The following AKT3 variants were observed in gnomAD, a reference collection of about 807,000 sequenced individuals.
AKT3 encodes the protein RAC-gamma serine/threonine-protein kinase.
Under a neutral mutation model 65.3 loss-of-function variants are expected in AKT3, and 15 were observed. The ratio of observed to expected loss-of-function variants is 0.23; its 90% CI spans 0.15 to 0.35. The LOEUF (loss-of-function observed/expected upper bound fraction) is 0.35, where lower values mean the gene tolerates loss of function less well. AKT3 is among the 10% of genes least tolerant of loss of function. The probability of loss-of-function intolerance (pLI) is 1.00; values close to 1 mark genes in which losing one functional copy is unlikely to be tolerated. For synonymous variants in AKT3, 206 were observed against 183.8 expected, an observed-to-expected ratio of 1.12 and a Z score of -0.98; for missense variants, 243 against 576.5, an observed-to-expected ratio of 0.42 and a Z score of 5.92.
chr1:243,572,313 G>A (rs1674620948), intron 9 of AKT3, among the ~76,000 whole-genome samples: 1 of 152,100 alleles, frequency 6.6e-6, no homozygotes, highest in African/African-American at 2.4e-5. Flanking sequence ...ATGGAGTTGA[G>A]TAGTTTACAA....
At chr1:243,593,547 T>G (rs1676383181) in intron 8 of AKT3, among the ~76,000 whole-genome samples, 1 of 152,026 alleles carries the variant, frequency 6.6e-6, no homozygotes, top group Non-Finnish European at 1.5e-5. Flanking sequence ...ATTAGCTGGG[T>G]GCAGTGGTGG....
intron 2 of AKT3, among the ~76,000 whole-genome samples, chr1:243,784,428 CAA>C (rs199852273): frequency 3.2e-5 from 4 of 125,734 alleles, no homozygotes; most frequent in African/African-American, 3.0e-5. Flanking sequence ...CAGCCCTCTT[CAA>C]AAAAAAAAAG....
rs543526222 is a variant in AKT3 at position 243,641,360 on chromosome 1, C to A, written c.430-3618G>T. ...TTATTAATTCTGTCCCTCTAGAGAA[C>A]CCTAATACACATGGCAAGTAACTCA... On this transcript the variant is annotated intron_variant, in intron 5 of 13. Transcript: ENST00000673466. Among the ~76,000 whole-genome samples, 11 of 150,784 alleles carry A rather than the reference C, an allele frequency of 7.3e-5. No homozygotes were observed. The East Asian group carries it at 1.9e-3, about 27-fold the overall frequency.
intron 6 of AKT3, among the ~76,000 whole-genome samples, chr1:243,624,369 G>A (rs1259644512): frequency 6.6e-6 from 1 of 152,110 alleles, no homozygotes; most frequent in African/African-American, 2.4e-5. Flanking sequence ...CTGGTAACGT[G>A]TACTTTTTTC....
chr1:243,806,838 T>A (rs570056286), intron 2 of AKT3, among the ~76,000 whole-genome samples: 40 of 152,216 alleles, frequency 2.6e-4, no homozygotes, highest in Non-Finnish European at 5.3e-4. Context: ...ATATATTAAC[T>A]TTTAAAAAGA....
chr1:243,500,632 C>CAGTTAGTT lies in AKT3; in HGVS notation c.*4609_*4616dup, dbSNP rs113626297. On this transcript the variant is annotated 3_prime_UTR_variant, in exon 14 of 14. Transcript: ENST00000673466. Reference sequence around the variant, plus strand: ...ATGACAAACACTAAAGGCAAGGCTGCAGTTAGTTAGGACAGGTCCCTGACC... The same window carrying CAGTTAGTT: ...ATGACAAACACTAAAGGCAAGGCTGCAGTTAGTTAGTTAGTTAGGACAGGTCCCTGACC... The CAGTTAGTT allele has an allele frequency of 1.7e-5, 4 of 229,646 alleles. No individual in the cohort carries two copies. In the Middle Eastern group the frequency reaches 3.9e-3, roughly 223 times the overall value. 14.2% of individuals were successfully genotyped at this position (229,646 alleles called of 1,614,324 possible). A position where few individuals can be genotyped will look rare whatever the true frequency, so the allele number is the denominator to read the frequency against.
intron 2 of AKT3, among the ~76,000 whole-genome samples, chr1:243,700,886 G>GAT: frequency 6.6e-6 from 1 of 152,086 alleles, no homozygotes; most frequent in East Asian, 1.9e-4. Context: ...GATCTGGATA[G>GAT]GATATTCAAA....
At chr1:243,798,204 G>C (rs566181860) in intron 2 of AKT3, among the ~76,000 whole-genome samples, 11 of 118,016 alleles carry the variant, frequency 9.3e-5, no homozygotes, top group African/African-American at 3.3e-4. Flanking sequence ...ACTGTGCCAG[G>C]CCCTTTTTTT....
At chr1:243,546,377 T>G (rs140641233) in intron 11 of AKT3, among the ~76,000 whole-genome samples, 204 of 151,024 alleles carry the variant, frequency 1.4e-3, no homozygotes, top group African/African-American at 4.7e-3. Context: ...TAATATAGTA[T>G]ATATTACTAA....
chr1:243,761,456 T>C, intron 2 of AKT3, among the ~76,000 whole-genome samples: 1 of 152,068 alleles, frequency 6.6e-6, no homozygotes, highest in East Asian at 1.9e-4. Context: ...AAAAAATGAA[T>C]GCATTTTCGC....
intron 8 of AKT3, among the ~76,000 whole-genome samples, chr1:243,609,942 C>G (rs1486254329): frequency 6.6e-6 from 1 of 152,092 alleles, no homozygotes; most frequent in Admixed American, 6.5e-5. Context: ...GTCCCACCAT[C>G]TATCTATCTG....
intron 5 of AKT3, among the ~76,000 whole-genome samples, chr1:243,642,462 A>G (rs1680483878): frequency 6.6e-6 from 1 of 152,162 alleles, no homozygotes; most frequent in Non-Finnish European, 1.5e-5. Flanking sequence ...GGCGCCCGCC[A>G]CCACGCCTGG....
chr1:243,520,972 G>A (rs922316026), intron 12 of AKT3, among the ~76,000 whole-genome samples: 4 of 152,176 alleles, frequency 2.6e-5, no homozygotes, highest in South Asian at 2.1e-4. Context: ...GGTATTTCTG[G>A]TATGGCTGGA....
intron 2 of AKT3, among the ~76,000 whole-genome samples, chr1:243,702,199 A>G (rs1195212581): frequency 6.6e-6 from 1 of 152,000 alleles, no homozygotes; most frequent in African/African-American, 2.4e-5. Context: ...ATTTAAACCA[A>G]TGCTATGTTG....
intron 2 of AKT3, among the ~76,000 whole-genome samples, chr1:243,705,931 C>T (rs1376814237): frequency 1.3e-5 from 2 of 152,040 alleles, no homozygotes; most frequent in Admixed American, 6.6e-5. Flanking sequence ...CATTCTTGCA[C>T]CATTTTCAAA....
At chr1:243,800,477 T>C (rs1353418239) in intron 2 of AKT3, among the ~76,000 whole-genome samples, 2 of 152,206 alleles carry the variant, frequency 1.3e-5, no homozygotes, top group Admixed American at 6.5e-5. Context: ...GCCAGCACTT[T>C]GGTAGGCCAA....
intron 8 of AKT3, among the ~76,000 whole-genome samples, chr1:243,602,141 A>G (rs2148577252): frequency 6.6e-6 from 1 of 152,334 alleles, no homozygotes. Flanking sequence ...ATCTCCTAAT[A>G]ACTAAATTCA....
At chr1:243,665,482 G>C (rs529107380) in intron 3 of AKT3, among the ~76,000 whole-genome samples, 1 of 152,228 alleles carries the variant, frequency 6.6e-6, no homozygotes, top group Non-Finnish European at 1.5e-5. Context: ...ACTGCCCCAA[G>C]AGCCAGTCAC....
chr1:243,766,180 G>C (rs1689805332), intron 2 of AKT3, among the ~76,000 whole-genome samples: 1 of 152,086 alleles, frequency 6.6e-6, no homozygotes, highest in East Asian at 1.9e-4. Flanking sequence ...AAGGCTTAAG[G>C]TTTGTAATCA....
Sources: gnomAD v4.1 joint callset for allele counts (sites outside exome capture counted in the v4.1 genomes callset) on GRCh38, gnomAD v4.1.1 for gene constraint, MANE v1.5 for transcripts, NCBI Gene and HGNC (gene_info 2026-07-23, HGNC 2026-07-21) for gene names.